GOLGB1: variants seen among roughly 807,000 people sequenced by gnomAD.
GOLGB1 encodes the protein golgin subfamily B member 1.
A neutral mutation model predicts 336.9 loss-of-function variants in GOLGB1; 174 were observed. The observed-to-expected ratio is 0.52, with a 90% CI of 0.46 to 0.59. The LOEUF is 0.59. GOLGB1 is among the 20% of genes least tolerant of loss of function. GOLGB1 has a pLI of 0.00. For missense variants in GOLGB1, 3,331 were observed against 3,645.3 expected, an observed-to-expected ratio of 0.91 and a Z score of 2.22; for synonymous variants, 1,208 against 1,289.2, an observed-to-expected ratio of 0.94 and a Z score of 1.35.
chr3:121,692,364 C>T lies in GOLGB1; in HGVS notation c.7000G>A (p.Glu2334Lys). The change falls in exon 14 of 22, where the codon GAA becomes AAA. Residue 2334 changes from glutamate to lysine, a missense_variant. Coordinates refer to ENST00000614479, the MANE Select transcript of GOLGB1 (RefSeq NM_001366282.2). ...DQLTDLSNSL[E>K]KCKEQKGNLE... is the part of the protein sequence containing the mutation. ...TTTCCTTTTTGTTCCTTACATTTTT[C>T]TAAAGAGTTACTTAAATCAGTCAAC... The T allele has an allele frequency of 6.2e-7, 1 of 1,605,080 alleles. No homozygotes were observed. The highest frequency in any genetic ancestry group is 8.5e-7 in the Non-Finnish European group (1 of 1,177,654).
intron 5 of GOLGB1, among the ~76,000 whole-genome samples, chr3:121,725,913 G>T (rs1945554361): frequency 6.6e-6 from 1 of 151,842 alleles, no homozygotes; most frequent in Non-Finnish European, 1.5e-5. Flanking sequence ...AGCCCTATCA[G>T]CAAGAAGACC....
At position 121,696,014 on chromosome 3, in the gene GOLGB1, T is replaced by G. The variant is rs750687113; in HGVS notation, c.4509A>C (p.Glu1503Asp). The change falls in exon 13 of 22, where the codon GAA (glutamate) becomes GAC (aspartate). Residue 1503 changes from glutamate to aspartate, a missense_variant. By Grantham distance (45) the Glu-to-Asp change is conservative (BLOSUM62 2). Coordinates refer to ENST00000614479, the MANE Select transcript of GOLGB1 (RefSeq NM_001366282.2). The part of the protein sequence containing the change: ...ALISRKEALK[E>D]NKSLQEELSL... ...ACAATTCCTCTTGGAGACTTTTGTT[T>G]TCTTTTAGTGCTTCTTTTCGGGAAA... The G allele has an allele frequency of 3.1e-6, 5 of 1,614,032 alleles. No homozygotes were observed. In the African/African-American group the frequency reaches 5.3e-5, roughly 17 times the overall value.
chr3:121,738,657 T>G (rs990896609), intron 1 of GOLGB1, among the ~76,000 whole-genome samples: 2 of 152,190 alleles, frequency 1.3e-5, no homozygotes, highest in African/African-American at 4.8e-5. Context: ...CTACGAGGGC[T>G]GAAAGAGCTG....
At position 121,692,431 on chromosome 3, in the gene GOLGB1, T is replaced by C; in HGVS notation, c.6933A>G (p.Glu2311=). ...TAAGTTCTGATTCCAACTTAGCTAA[T>C]TCATTCTGAGAACTGTGGTATAGGT... ...TRHLYHSSQN[E]LAKLESELKS... Residue 2311 remains glutamate, a synonymous_variant, in exon 14 of 22, where the codon GAA becomes GAG. Coordinates refer to ENST00000614479, the MANE Select transcript of GOLGB1 (RefSeq NM_001366282.2). The C allele has an allele frequency of 6.2e-7, 1 of 1,613,680 alleles. No individual in the cohort carries two copies.
chr3:121,718,544 T>G (rs1944946845), intron 7 of GOLGB1, 43 bp from the exon 8 acceptor site: 1 of 1,200,596 alleles, frequency 8.3e-7, no homozygotes, highest in Admixed American at 1.8e-5. Flanking sequence ...AACAAATGAG[T>G]GCTTGTATTT....
intron 14 of GOLGB1, among the ~76,000 whole-genome samples, chr3:121,684,127 CAAAA>C (rs61510295): frequency 2.8e-4 from 3 of 10,908 alleles, no homozygotes; most frequent in African/African-American, 3.9e-4. Context: ...GACGCCGTCT[CAAAA>C]AAAAAAAAAA....
rs1941087821 is a variant in GOLGB1, at chr3:121,681,666, AG to A, written c.8873+20del. The A allele has an allele frequency of 1.3e-6, 2 of 1,490,182 alleles. No homozygotes were observed. The highest frequency in any genetic ancestry group is 9.1e-7 in the Non-Finnish European group (1 of 1,096,206). 92.3% of individuals were successfully genotyped at this position (1,490,182 alleles called of 1,614,324 possible). The stretch of plus-strand genomic sequence containing the variant: ...AAAGTTAAAATGAAAAGAGTTGAAA[AG>A]GAGGGATTATATATAGTACCTGAGC... On this transcript the variant is annotated intron_variant, in intron 15 of 21. Coordinates refer to ENST00000614479, the MANE Select transcript of GOLGB1 (RefSeq NM_001366282.2).
Position 121,692,062 on chromosome 3 carries a change from C to A in GOLGB1, c.7302G>T (p.Glu2434Asp). 1 of 1,612,412 alleles carries A rather than the reference C, an allele frequency of 6.2e-7. No individual in the cohort carries two copies. The highest frequency in any genetic ancestry group is 8.5e-7 in the Non-Finnish European group (1 of 1,179,566). The change falls in exon 14 of 22, where the codon GAG (glutamate) becomes GAT (aspartate). Residue 2434 changes from glutamate (E) to aspartate (D), a missense_variant. Glu to Asp is a conservative substitution (Grantham distance 45). Transcript: ENST00000614479. ...QEEEENIVLE[E>D]ENKKAVDKTN... Reference sequence around the variant, plus strand: ...TTTTATCAACAGCCTTTTTGTTCTCCTCTTCTAAAACAATATTCTCCTCTT... The same window carrying A: ...TTTTATCAACAGCCTTTTTGTTCTCATCTTCTAAAACAATATTCTCCTCTT...
In GOLGB1 at chr3:121,696,853, ACT is replaced by A; in HGVS notation, c.3668_3669del (p.Gln1223LeufsTer2). ...TCATTTTCCTTGCTTTGCTCATCAAACTGTTCTTGCAAGCGATTATAGTCATC... is the reference window on the plus strand; with the variant it reads ...TCATTTTCCTTGCTTTGCTCATCAAAGTTCTTGCAAGCGATTATAGTCATC... ...QKDDYNRLQE[Q>X]FDEQSKENEN... On this transcript the variant is annotated frameshift_variant, in exon 13 of 22. Transcript: ENST00000614479. LOFTEE classifies it high-confidence loss of function. 1 of 1,613,928 alleles carries A rather than the reference ACT, an allele frequency of 6.2e-7. No individual in the cohort carries two copies. The highest frequency in any genetic ancestry group is 8.5e-7 in the Non-Finnish European group (1 of 1,179,948).
chr3:121,735,793 C>T (rs1042287824), intron 1 of GOLGB1, among the ~76,000 whole-genome samples: 2 of 152,106 alleles, frequency 1.3e-5, no homozygotes, highest in Non-Finnish European at 2.9e-5. Context: ...CTAGCCGTGT[C>T]CACTGAAAAG....
At chr3:121,702,673 T>C in intron 10 of GOLGB1, 78 bp from the exon 11 acceptor site, 1 of 557,246 alleles carries the variant, frequency 1.8e-6, no homozygotes. Flanking sequence ...GCCTCCAGCA[T>C]TTTTGTCTTC....
At position 121,696,281 on chromosome 3, in the gene GOLGB1, G is replaced by C; in HGVS notation, c.4242C>G (p.Ser1414Arg). 1 of 1,614,038 alleles carries C rather than the reference G, an allele frequency of 6.2e-7. No individual in the cohort carries two copies. Among genetic ancestry groups the C allele is most frequent in the Non-Finnish European group, 8.5e-7 (1 of 1,179,998 alleles). ...KLISKKEEDV[S>R]YLSGQLSEKE... ...TCTCACTAAGTTGTCCAGAAAGGTA[G>C]CTAACGTCTTCTTCCTTTTTGCTTA... The change falls in exon 13 of 22, where the codon AGC becomes AGG. Residue 1414 changes from serine (S) to arginine (R), a missense_variant. Ser to Arg is a moderately radical substitution (Grantham distance 110). Coordinates refer to ENST00000614479, the MANE Select transcript of GOLGB1 (RefSeq NM_001366282.2).
intron 1 of GOLGB1, among the ~76,000 whole-genome samples, chr3:121,746,190 T>C (rs1427988178): frequency 6.6e-6 from 1 of 152,232 alleles, no homozygotes; most frequent in Non-Finnish European, 1.5e-5. Context: ...CCTCAGTAGC[T>C]GTCCTTAATT....
chr3:121,709,980 T>C (rs1394241233), intron 10 of GOLGB1, among the ~76,000 whole-genome samples: 1 of 135,606 alleles, frequency 7.4e-6, no homozygotes, highest in African/African-American at 2.8e-5. Context: ...ATTAAAAGGA[T>C]AAAAAGTAAA....
chr3:121,687,300 A>G lies in GOLGB1; in HGVS notation c.8694+3370T>C, dbSNP rs372810065. The stretch of plus-strand genomic sequence containing the variant: ...ACAAAAAAACAGGGTCTTAAATGCC[A>G]GACTAAAGGGGGTTTGAATACTAAG... On this transcript the variant is annotated intron_variant, in intron 14 of 21. Coordinates refer to ENST00000614479, the MANE Select transcript of GOLGB1 (RefSeq NM_001366282.2). Among the ~76,000 whole-genome samples the G allele has an allele frequency of 2.3e-3, 354 of 152,316 alleles. 9 individuals are homozygous for G. The South Asian group carries it at 0.058, about 25-fold the overall frequency.
rs541231622 is a variant in GOLGB1 at position 121,735,841 on chromosome 3, T to C, written c.-2-4868A>G. 2.6e-5 allele frequency among the ~76,000 whole-genome samples: 4 copies of C among 152,206 alleles called. No individual in the cohort carries two copies. In the South Asian group the frequency reaches 8.3e-4, roughly 32 times the overall value. On this transcript the variant is annotated intron_variant, in intron 1 of 21. Transcript: ENST00000614479. ...TAACACCTCAGTAGCAATGAGCGCA[T>C]CCAGATCTCGATTTCTAAATTGCCA...
intron 1 of GOLGB1, among the ~76,000 whole-genome samples, chr3:121,748,363 G>A (rs1365389557): frequency 6.6e-6 from 1 of 152,206 alleles, no homozygotes; most frequent in East Asian, 1.9e-4. Flanking sequence ...TTGGGGAGAT[G>A]CATGCTCAAA....
chr3:121,694,155 T>C lies in GOLGB1; in HGVS notation c.6368A>G (p.Gln2123Arg). 3.1e-6 allele frequency: 5 copies of C among 1,613,800 alleles called. No homozygotes were observed. Among genetic ancestry groups the C allele is most frequent in the Non-Finnish European group, 4.2e-6 (5 of 1,180,010 alleles). ...TCTTCGCTCAAGATCTTCATCCTTTTGTTTCATCTGGCTTTTAACTGATTC... is the reference window on the plus strand; with the variant it reads ...TCTTCGCTCAAGATCTTCATCCTTTCGTTTCATCTGGCTTTTAACTGATTC... The part of the protein sequence containing the change: ...NKESVKSQMK[Q>R]KDEDLERRLE... Residue 2123 changes from glutamine (Q) to arginine (R), a missense_variant, in exon 13 of 22, where the codon CAA (glutamine) becomes CGA (arginine). Transcript: ENST00000614479.
chr3:121,700,841 C>T (rs187700930), intron 11 of GOLGB1, among the ~76,000 whole-genome samples: 55 of 152,188 alleles, frequency 3.6e-4, no homozygotes, highest in Admixed American at 8.5e-4. Context: ...TCCAATTCTG[C>T]GTTCCTCTTC....
Sources: gnomAD v4.1 joint callset for allele counts (sites outside exome capture counted in the v4.1 genomes callset) on GRCh38, gnomAD v4.1.1 for gene constraint, MANE v1.5 for transcripts, NCBI Gene and HGNC (gene_info 2026-07-23, HGNC 2026-07-21) for gene names.